Variants in HSPA4L observed in about 807,000 individuals in gnomAD.
The protein encoded by HSPA4L is heat shock protein family A (Hsp70) member 4 like.
Under a neutral mutation model 100.3 loss-of-function variants are expected in HSPA4L, and 48 were observed. That is an observed-to-expected ratio of 0.48 (90% CI 0.38 to 0.61). The LOEUF (loss-of-function observed/expected upper bound fraction) is 0.61. Among genes scored for constraint, HSPA4L ranks in the 20% least tolerant of loss-of-function variants. The pLI is 0.00. For synonymous variants in HSPA4L, 319 were observed against 328.2 expected, an observed-to-expected ratio of 0.97 and a Z score of 0.30; for missense variants, 886 against 988.6, an observed-to-expected ratio of 0.90 and a Z score of 1.39.
rs1733655176 is a variant in HSPA4L, at chr4:127,815,746, TAC to T, written c.1579-2577_1579-2576del. ...AAAAGGTTGCCACCCATCTATAACT[TAC>T]AGTCTAGTGGGAGAGGACAGGCATG... On this transcript the variant is annotated intron_variant, in intron 12 of 18. Coordinates refer to ENST00000296464, the MANE Select transcript of HSPA4L (RefSeq NM_014278.4). Among the ~76,000 whole-genome samples the T allele has an allele frequency of 3.9e-5, 6 of 152,254 alleles. No homozygotes were observed. In the South Asian group the frequency reaches 1.2e-3, roughly 32 times the overall value.
chr4:127,793,014 G>A (rs1485786236), intron 1 of HSPA4L, among the ~76,000 whole-genome samples: 1 of 152,172 alleles, frequency 6.6e-6, no homozygotes, highest in East Asian at 1.9e-4. Context: ...GAGCAGCCAA[G>A]GACTGGACCA....
At chr4:127,824,778 G>GTTA (rs1359323330) in intron 16 of HSPA4L, among the ~76,000 whole-genome samples, 1 of 152,166 alleles carries the variant, frequency 6.6e-6, no homozygotes, top group Non-Finnish European at 1.5e-5. Context: ...GGTCAGTGGT[G>GTTA]TTATTTTAGG....
In HSPA4L at chr4:127,835,680, GC is replaced by G. The variant is rs1734189133; in HGVS notation, c.*2807del. The G allele has an allele frequency of 6.6e-6, 1 of 151,854 alleles. No individual in the cohort carries two copies. The highest frequency in any genetic ancestry group is 6.6e-5 in the Admixed American group (1 of 15,230). 9.4% of individuals were successfully genotyped at this position (151,854 alleles called of 1,614,324 possible). On this transcript the variant is annotated 3_prime_UTR_variant, in exon 19 of 19. Coordinates refer to ENST00000296464, the MANE Select transcript of HSPA4L (RefSeq NM_014278.4). ...ATCGTGCTCCTGCACTCCAGCCTGG[GC>G]AACAGAACAAGACTCCGTCTCAAAA...
rs908113345 is a variant in HSPA4L at position 127,839,184 on chromosome 4, T to G, written c.*6310T>G. The G allele has an allele frequency of 1.3e-5, 2 of 152,226 alleles. No homozygotes were observed. The highest frequency in any genetic ancestry group is 3.8e-4 in the East Asian group (2 of 5,200). The allele number at this position is 152,226 out of a possible 1,614,324, so 9.4% of individuals were successfully genotyped here. On this transcript the variant is annotated 3_prime_UTR_variant, in exon 19 of 19. Transcript: ENST00000296464. ...GCTCTCTGGTTATGTATGTGTGTTGTGCATCTTCCTTGTTGTTTTAGAGTT... is the reference window on the plus strand; with the variant it reads ...GCTCTCTGGTTATGTATGTGTGTTGGGCATCTTCCTTGTTGTTTTAGAGTT...
At chr4:127,783,225 T>C (rs1732616786) in intron 1 of HSPA4L, among the ~76,000 whole-genome samples, 1 of 151,610 alleles carries the variant, frequency 6.6e-6, no homozygotes, top group Admixed American at 6.6e-5. Context: ...TGTGGGGTTT[T>C]ACAAAACCCA....
Position 127,808,069 on chromosome 4 carries a change from T to C in HSPA4L, c.1318T>C (p.Phe440Leu). 6.2e-7 allele frequency: 1 copy of C among 1,612,670 alleles called. No homozygotes were observed. Among genetic ancestry groups the C allele is most frequent in the Non-Finnish European group, 8.5e-7 (1 of 1,178,974 alleles). ...KVITFHKKEP[F>L]ELEAFYTNLH... is the part of the protein sequence containing the mutation. ...CATTACTTTCCACAAGAAGGAACCA[T>C]TTGAACTAGAAGCATTTTATACTAA... The change falls in exon 11 of 19, where the codon TTT becomes CTT. Residue 440 changes from phenylalanine to leucine, a missense_variant. Transcript: ENST00000296464.
intron 3 of HSPA4L, 139 bp from the exon 4 acceptor site, chr4:127,798,448 A>T: frequency 1.3e-6 from 1 of 744,006 alleles, no homozygotes; most frequent in Non-Finnish European, 2.1e-6. Context: ...CTAAAATGAC[A>T]ATCTTTCTGG....
At chr4:127,809,061 T>G in intron 11 of HSPA4L, 1 of 544,066 alleles carries the variant, frequency 1.8e-6, no homozygotes, top group Non-Finnish European at 3.3e-6. Context: ...TGGATTAATA[T>G]GAAGGTGAGG....
chr4:127,811,800 A>G (rs1411634549), intron 12 of HSPA4L, among the ~76,000 whole-genome samples, 164 bp downstream of exon 12: 1 of 152,194 alleles, frequency 6.6e-6, no homozygotes, highest in African/African-American at 2.4e-5. Context: ...GCATTAAGGA[A>G]TAATACTATT....
At chr4:127,791,445 C>A (rs1732872407) in intron 1 of HSPA4L, among the ~76,000 whole-genome samples, 1 of 152,206 alleles carries the variant, frequency 6.6e-6, no homozygotes, top group South Asian at 2.1e-4. Flanking sequence ...CGGTTGGACA[C>A]CCATGGTCTA....
Position 127,827,292 on chromosome 4 carries a change from C to T in HSPA4L, c.2047-13C>T. ...AAAAATTTTTCTTCTTTAAAAATTT[C>T]TTATGTTAACAGAAATACGGCCAGC... On this transcript the variant is annotated splice_polypyrimidine_tract_variant and intron_variant, in intron 16 of 18. Coordinates refer to ENST00000296464, the MANE Select transcript of HSPA4L (RefSeq NM_014278.4). 2 of 1,595,820 alleles carry T rather than the reference C, an allele frequency of 1.3e-6. No individual in the cohort carries two copies. The highest frequency in any genetic ancestry group is 1.7e-6 in the Non-Finnish European group (2 of 1,173,504).
intron 1 of HSPA4L, among the ~76,000 whole-genome samples, chr4:127,788,686 G>C: frequency 6.6e-6 from 1 of 152,164 alleles, no homozygotes. Context: ...GATATTTTGG[G>C]GTATGTCACA....
In HSPA4L at chr4:127,803,858, C is replaced by T. The variant is rs759610355; in HGVS notation, c.893C>T (p.Ser298Phe). 1 of 1,613,388 alleles carries T rather than the reference C, an allele frequency of 6.2e-7. No individual in the cohort carries two copies. Among genetic ancestry groups the T allele is most frequent in the Admixed American group, 1.7e-5 (1 of 59,930 alleles). Residue 298 changes from serine (S) to phenylalanine (F), a missense_variant, in exon 7 of 19, where the codon TCT (serine) becomes TTT (phenylalanine). Transcript: ENST00000296464. ...TGTTTCATGAATGACCTTGATGTTT[C>T]TAGTAAAATGAACAGGTACCACGTA... ...IECFMNDLDV[S>F]SKMNRAQFEQ...
rs769913953 is a variant in HSPA4L at position 127,811,592 on chromosome 4, A to G, written c.1534A>G (p.Met512Val). ...GGAAGGCGATCACAGTGATGCTCCA[A>G]TGGAGACAGAAACTTCATTTAAAAA... The part of the protein sequence containing the change: ...NLEGDHSDAP[M>V]ETETSFKNEN... The change falls in exon 12 of 19, where the codon ATG becomes GTG. Residue 512 changes from methionine (M) to valine (V), a missense_variant. By Grantham distance (21) the Met-to-Val change is conservative. Coordinates refer to ENST00000296464, the MANE Select transcript of HSPA4L (RefSeq NM_014278.4). 9.3e-6 allele frequency: 15 copies of G among 1,613,828 alleles called. No homozygotes were observed. The highest frequency in any genetic ancestry group is 6.7e-5 in the Admixed American group (4 of 60,000).
Position 127,798,584 on chromosome 4 carries a change from T to C in HSPA4L, c.307-3T>C. ...TAATAAATATCCCAACTTTTGGTGT[T>C]AGGTGCGGTACTTAGAGGAAGAGAG... On this transcript the variant is annotated splice_polypyrimidine_tract_variant and splice_region_variant and intron_variant, in intron 3 of 18. Transcript: ENST00000296464. The C allele has an allele frequency of 6.2e-7, 1 of 1,612,782 alleles. No homozygotes were observed.
chr4:127,794,454 A>G (rs9992298), intron 2 of HSPA4L, among the ~76,000 whole-genome samples: 1 of 152,168 alleles, frequency 6.6e-6, no homozygotes, highest in South Asian at 2.1e-4. Context: ...TAGAACATAC[A>G]TTTCAATGAT....
chr4:127,788,393 GT>G (rs1285529394), intron 1 of HSPA4L, among the ~76,000 whole-genome samples: 2 of 151,930 alleles, frequency 1.3e-5, no homozygotes, highest in Non-Finnish European at 2.9e-5. Context: ...GCAGCAGTGA[GT>G]TTTTTTTAGA....
At position 127,832,659 on chromosome 4, in the gene HSPA4L, T is replaced by C. The variant is rs774945396; in HGVS notation, c.2329-24T>C. 5 of 1,533,036 alleles carry C rather than the reference T, an allele frequency of 3.3e-6. No individual in the cohort carries two copies. The South Asian group carries it at 5.1e-5, about 16-fold the overall frequency. The allele number at this position is 1,533,036 out of a possible 1,614,324, so 95.0% of individuals were successfully genotyped here. ...AACTTGTTCTGTAATCGTTTTAATA[T>C]AATCAATTTCTTCATGTCTTTAGGA... On this transcript the variant is annotated intron_variant, in intron 18 of 18. Transcript: ENST00000296464.
chr4:127,814,496 G>A (rs970307224), intron 12 of HSPA4L, among the ~76,000 whole-genome samples: 4 of 151,646 alleles, frequency 2.6e-5, no homozygotes, highest in Non-Finnish European at 5.9e-5. Context: ...TGAATAAATT[G>A]TAGTTTATTT....
Sources: allele counts gnomAD v4.1 joint callset (sites outside exome capture counted in the v4.1 genomes callset), GRCh38; gene constraint gnomAD v4.1.1; transcripts MANE v1.5; gene names NCBI Gene and HGNC (gene_info 2026-07-23, HGNC 2026-07-21).